The following PRKG1 variants were observed in gnomAD, a reference collection of about 807,000 sequenced individuals.
PRKG1 encodes the protein cGMP-dependent protein kinase 1.
PRKG1 carries 35 observed loss-of-function variants against 88.1 expected under a neutral mutation model. The ratio of observed to expected loss-of-function variants is 0.40; its 90% CI spans 0.30 to 0.53. The LOEUF (loss-of-function observed/expected upper bound fraction) is 0.53, where lower values mean the gene tolerates loss of function less well. Among genes scored for constraint, PRKG1 ranks in the 20% least tolerant of loss-of-function variants. The probability of loss-of-function intolerance (pLI) is 0.59; values close to 1 mark genes in which losing one functional copy is unlikely to be tolerated. For missense variants in PRKG1, 540 were observed against 839.8 expected, an observed-to-expected ratio of 0.64 and a Z score of 4.41; for synonymous variants, 303 against 292.5, an observed-to-expected ratio of 1.04 and a Z score of -0.37.
chr10:51,051,634 T>C (rs1843562463), intron 1 of PRKG1, among the ~76,000 whole-genome samples: 1 of 152,188 alleles, frequency 6.6e-6, no homozygotes, highest in African/African-American at 2.4e-5. Flanking sequence ...GGTTTAGCTA[T>C]AACTGGCCTT....
intron 3 of PRKG1, among the ~76,000 whole-genome samples, chr10:51,707,891 C>T (rs907675558): frequency 2.0e-5 from 3 of 152,296 alleles, no homozygotes; most frequent in East Asian, 3.9e-4. Flanking sequence ...TACCTTCTAA[C>T]TCTGGATTCT....
chr10:51,966,519 C>T (rs531974368), intron 5 of PRKG1, among the ~76,000 whole-genome samples: 2 of 152,178 alleles, frequency 1.3e-5, no homozygotes, highest in South Asian at 4.1e-4. Flanking sequence ...TACGTCAATG[C>T]CATTTCTTTC....
chr10:52,015,607 G>A (rs990078027), intron 5 of PRKG1, among the ~76,000 whole-genome samples: 5 of 152,178 alleles, frequency 3.3e-5, no homozygotes, highest in Admixed American at 1.3e-4. Flanking sequence ...GAATTTCTCC[G>A]CAGAAAATAG....
At chr10:52,210,378 T>G (rs2132799980) in intron 9 of PRKG1, among the ~76,000 whole-genome samples, 1 of 152,050 alleles carries the variant, frequency 6.6e-6, no homozygotes, top group Middle Eastern at 3.4e-3. Flanking sequence ...CTCCTATTCC[T>G]GTCACTGGAT....
intron 3 of PRKG1, among the ~76,000 whole-genome samples, chr10:51,562,540 A>G (rs980770802): frequency 6.6e-6 from 1 of 151,894 alleles, no homozygotes; most frequent in African/African-American, 2.4e-5. Flanking sequence ...CTCTTGTTAT[A>G]CTCCTGACCC....
intron 4 of PRKG1, among the ~76,000 whole-genome samples, chr10:51,880,696 C>T (rs1336267972): frequency 2.6e-5 from 4 of 152,076 alleles, no homozygotes; most frequent in Admixed American, 6.6e-5. Context: ...AAAAGATATT[C>T]CCCAGTAAAA....
In PRKG1 at chr10:51,282,782, C is replaced by CA. The variant is rs35715275; in HGVS notation, c.478+129461dup. ...AAGTGCATTAGTTTTACAAATTATA[C>CA]AAAAAAAAACTACCCAGGGTACCCA... On this transcript the variant is annotated intron_variant, in intron 2 of 17. Coordinates refer to ENST00000373980, the MANE Select transcript of PRKG1 (RefSeq NM_006258.4). Among the ~76,000 whole-genome samples, 304 of 151,188 alleles carry CA rather than the reference C, an allele frequency of 2.0e-3. 6 individuals carry two copies. In the East Asian group the frequency reaches 0.048, roughly 24 times the overall value.
At chr10:51,384,118 T>C (rs1440692079) in intron 2 of PRKG1, among the ~76,000 whole-genome samples, 1 of 152,158 alleles carries the variant, frequency 6.6e-6, no homozygotes, top group African/African-American at 2.4e-5. Context: ...CTTTTTCGTT[T>C]TATCATCCTT....
chr10:52,171,041 G>T (rs1303667849), intron 9 of PRKG1, among the ~76,000 whole-genome samples: 1 of 150,472 alleles, frequency 6.6e-6, no homozygotes, highest in African/African-American at 2.4e-5. Flanking sequence ...CTAGCAAACA[G>T]GAAGTTTCTA....
chr10:51,184,141 A>G (rs1488753388), intron 2 of PRKG1, among the ~76,000 whole-genome samples: 2 of 152,210 alleles, frequency 1.3e-5, no homozygotes, highest in African/African-American at 2.4e-5. Context: ...CTCATATGAC[A>G]TCTTTACTTC....
intron 1 of PRKG1, among the ~76,000 whole-genome samples, chr10:51,100,670 A>G (rs1278689283): frequency 6.6e-6 from 1 of 152,238 alleles, no homozygotes; most frequent in East Asian, 1.9e-4. Context: ...CTTACAGGTA[A>G]GAAGCCTTTC....
chr10:51,852,068 G>A (rs1840568853), intron 4 of PRKG1, among the ~76,000 whole-genome samples: 1 of 151,224 alleles, frequency 6.6e-6, no homozygotes, highest in Admixed American at 6.6e-5. Context: ...AAAAAACAAT[G>A]TTTAGGCAAA....
intron 2 of PRKG1, among the ~76,000 whole-genome samples, chr10:51,166,673 G>A (rs1383307770): frequency 1.3e-5 from 2 of 151,840 alleles, no homozygotes; most frequent in Non-Finnish European, 2.9e-5. Context: ...GTACTCAAAG[G>A]CACATGAAAT....
rs531754206 is a variant in PRKG1 at position 51,279,131 on chromosome 10, C to T, written c.478+125801C>T. On this transcript the variant is annotated intron_variant, in intron 2 of 17. Transcript: ENST00000373980. Reference sequence around the variant, plus strand: ...CCCTCTACACACTGCTTTAAATGTGCCCCAGAGATTCTGGTATGTTGTGTC... The same window carrying T: ...CCCTCTACACACTGCTTTAAATGTGTCCCAGAGATTCTGGTATGTTGTGTC... Among the ~76,000 whole-genome samples the T allele has an allele frequency of 4.4e-3, 671 of 152,160 alleles. 3 individuals carry two copies. The highest frequency in any genetic ancestry group is 6.7e-3 in the Non-Finnish European group (456 of 67,964).
At chr10:51,688,057 C>T (rs1057261491) in intron 3 of PRKG1, among the ~76,000 whole-genome samples, 1 of 152,146 alleles carries the variant, frequency 6.6e-6, no homozygotes, top group Non-Finnish European at 1.5e-5. Context: ...GGAAGGGAAG[C>T]CATGTAGGTA....
intron 7 of PRKG1, among the ~76,000 whole-genome samples, chr10:52,129,273 T>C (rs78868503): frequency 2.0e-5 from 3 of 152,178 alleles, no homozygotes; most frequent in Non-Finnish European, 4.4e-5. Context: ...TTGTATTATA[T>C]GAATATGTAA....
chr10:51,546,347 G>T (rs879813098), intron 3 of PRKG1, among the ~76,000 whole-genome samples: 22 of 152,008 alleles, frequency 1.4e-4, no homozygotes, highest in Non-Finnish European at 2.1e-4. Context: ...ACTAATAGCT[G>T]TTGCAATTGT....
chr10:51,114,599 A>G (rs1845063732), intron 1 of PRKG1, among the ~76,000 whole-genome samples: 1 of 152,336 alleles, frequency 6.6e-6, no homozygotes, highest in Non-Finnish European at 1.5e-5. Context: ...AGAACCTGGA[A>G]GCAATCAAGT....
intron 2 of PRKG1, among the ~76,000 whole-genome samples, chr10:51,464,005 C>T (rs923748399): frequency 6.6e-6 from 1 of 152,062 alleles, no homozygotes; most frequent in African/African-American, 2.4e-5. Context: ...GGTGCGATAG[C>T]TCACGCCTGT....
Sources: allele counts gnomAD v4.1 joint callset (sites outside exome capture counted in the v4.1 genomes callset), GRCh38; gene constraint gnomAD v4.1.1; transcripts MANE v1.5; gene names NCBI Gene and HGNC (gene_info 2026-07-23, HGNC 2026-07-21).